CALML4: variants seen among roughly 807,000 people sequenced by gnomAD.
The protein encoded by CALML4 is calmodulin-like protein 4.
A neutral mutation model predicts 17.9 loss-of-function variants in CALML4; 16 were observed. That is an observed-to-expected ratio of 0.89 (90% confidence interval 0.61 to 1.36). CALML4 has a LOEUF of 1.36. CALML4 is among the 40% of genes most tolerant of loss of function. The probability of loss-of-function intolerance (pLI) is 0.00; values close to 1 mark genes in which losing one functional copy is unlikely to be tolerated. For missense variants in CALML4, 203 were observed against 194.8 expected, an observed-to-expected ratio of 1.04 and a Z score of -0.25; for synonymous variants, 86 against 71.5, an observed-to-expected ratio of 1.20 and a Z score of -1.02.
chr15:68,199,502 G>T, intron 3 of CALML4, 39 bp downstream of exon 3: 1 of 1,584,570 alleles, frequency 6.3e-7, no homozygotes, highest in Non-Finnish European at 8.6e-7. Flanking sequence ...CCACCTGCTG[G>T]GCCCCTCCCC....
intron 3 of CALML4, chr15:68,198,401 TGAG>T (rs1304641077): frequency 6.6e-6 from 1 of 152,244 alleles, no homozygotes; most frequent in African/African-American, 2.4e-5. Flanking sequence ...CCCCCTGAGA[TGAG>T]GAAGCTGGTG....
chr15:68,199,873 A>G (rs1567090824), intron 2 of CALML4, 192 bp from the exon 3 acceptor site: 3 of 512,056 alleles, frequency 5.9e-6, no homozygotes, highest in East Asian at 3.3e-5. Flanking sequence ...GAATTCAGAT[A>G]AACACTGAAT....
chr15:68,203,324 G>A (rs1595813438), intron 2 of CALML4, among the ~76,000 whole-genome samples: 4 of 152,182 alleles, frequency 2.6e-5, no homozygotes, highest in South Asian at 4.1e-4. Context: ...ATGAAGCTGC[G>A]CGCCAATGAG....
At chr15:68,195,773 T>A (rs1353078789) in intron 4 of CALML4, among the ~76,000 whole-genome samples, 1 of 152,170 alleles carries the variant, frequency 6.6e-6, no homozygotes, top group Admixed American at 6.5e-5. Flanking sequence ...GTGTCCCTGC[T>A]TGTCTGGAAC....
chr15:68,197,710 C>T lies in CALML4; in HGVS notation c.176-82G>A, dbSNP rs1286684331. Reference sequence around the variant, plus strand: ...CAGCTGGCCTCCTGCTGGACCTGCACAGCCGGTTCAAGGTCAACTGACCAG... The same window carrying T: ...CAGCTGGCCTCCTGCTGGACCTGCATAGCCGGTTCAAGGTCAACTGACCAG... On this transcript the variant is annotated intron_variant, in intron 3 of 4. Transcript: ENST00000467889. The surrounding 1 kb of genome is among the most constrained non-coding windows in gnomAD (Gnocchi z 4.1). 7 of 1,314,476 alleles carry T rather than the reference C, an allele frequency of 5.3e-6. No homozygotes were observed. In the African/African-American group the frequency reaches 8.8e-5, roughly 17 times the overall value. 81.4% of individuals were successfully genotyped at this position (1,314,476 alleles called of 1,614,324 possible).
Position 68,197,564 on chromosome 15 carries a change from T to G in CALML4, c.240A>C (p.Glu80Asp), listed in dbSNP as rs1424571198. 8 of 1,614,024 alleles carry G rather than the reference T, an allele frequency of 5.0e-6. No homozygotes were observed. The highest frequency in any genetic ancestry group is 4.5e-5 in the East Asian group (2 of 44,880). The change falls in exon 4 of 5, where the codon GAA becomes GAC. Residue 80 changes from glutamate (E) to aspartate (D), a missense_variant. Glu to Asp is a conservative substitution (Grantham distance 45). Coordinates refer to ENST00000467889, the MANE Select transcript of CALML4 (RefSeq NM_033429.3). This position sits in a 1 kb window ranked among gnomAD's most constrained non-coding sequence, Gnocchi z 4.1. Reference protein sequence around the residue: ...LTIMHMQIKQEDPKKEILLAM... With the variant: ...LTIMHMQIKQDDPKKEILLAM... ...CTAGAAGAATTTCTTTCTTTGGGTC[T>G]TCTTGTTTTATTTGCATGTGCATAA... is the stretch of plus-strand genomic sequence containing the variant.
rs775263066 is a variant in CALML4 at position 68,204,796 on chromosome 15, T to C, written c.34+325A>G. On this transcript the variant is annotated intron_variant, in intron 2 of 4. Coordinates refer to ENST00000467889, the MANE Select transcript of CALML4 (RefSeq NM_033429.3). This position sits in a 1 kb window ranked among gnomAD's most constrained non-coding sequence, Gnocchi z 6.0. ...CCTCCTCTTTCCCTGCTGCCAGCCATACCTTTAATGGTCTCTCTCTCCATC... is the reference window on the plus strand; with the variant it reads ...CCTCCTCTTTCCCTGCTGCCAGCCACACCTTTAATGGTCTCTCTCTCCATC... 3.2e-4 allele frequency among the ~76,000 whole-genome samples: 48 copies of C among 152,138 alleles called. No homozygotes were observed. The highest frequency in any genetic ancestry group is 6.0e-4 in the Non-Finnish European group (41 of 68,002).
chr15:68,199,647 C>T lies in CALML4; in HGVS notation c.69G>A (p.Gln23=). The T allele has an allele frequency of 6.2e-7, 1 of 1,613,548 alleles. No individual in the cohort carries two copies. The highest frequency in any genetic ancestry group is 8.5e-7 in the Non-Finnish European group (1 of 1,179,954). The stretch of plus-strand genomic sequence containing the variant: ...CGGTGGCTTTTATCTTCCCCCTCTG[C>T]TGCTTGTCATACAGGGAGAAGCATT... ...YKECFSLYDK[Q]QRGKIKATDL... is the part of the protein sequence containing the mutation. Residue 23 remains glutamine (Q), a synonymous_variant, in exon 3 of 5, where the codon CAG becomes CAA. Transcript: ENST00000467889.
At chr15:68,196,660 C>T (rs1372147681) in intron 4 of CALML4, among the ~76,000 whole-genome samples, 1 of 152,162 alleles carries the variant, frequency 6.6e-6, no homozygotes. Context: ...GCAGGAGGGT[C>T]CGCAGGCTGG....
chr15:68,205,259 G>C lies in CALML4; in HGVS notation c.-12C>G. The C allele has an allele frequency of 1.2e-6, 2 of 1,613,970 alleles. No homozygotes were observed. Among genetic ancestry groups the C allele is most frequent in the Non-Finnish European group, 1.7e-6 (2 of 1,179,994 alleles). ...CTCACACTCACCATTCTGGGGCCTCGGCTGCTACCCGTGGGCTTGCTGCTC... is the reference window on the plus strand; with the variant it reads ...CTCACACTCACCATTCTGGGGCCTCCGCTGCTACCCGTGGGCTTGCTGCTC... On this transcript the variant is annotated 5_prime_UTR_variant, in exon 1 of 5. Transcript: ENST00000467889. The surrounding 1 kb of genome is among the most constrained non-coding windows in gnomAD (Gnocchi z 4.8).
rs1280092602 is a variant in CALML4, at chr15:68,200,114, C to T, written c.35-433G>A. Among the ~76,000 whole-genome samples the T allele has an allele frequency of 1.1e-4, 16 of 152,282 alleles. No homozygotes were observed. Among genetic ancestry groups the T allele is most frequent in the Non-Finnish European group, 2.4e-4 (16 of 68,032 alleles). ...GGGCCCACAGGGGAGAGCAGGAACC[C>T]ACAGCAAGGCGTCCAGACCCCCAGG... On this transcript the variant is annotated intron_variant, in intron 2 of 4. Coordinates refer to ENST00000467889, the MANE Select transcript of CALML4 (RefSeq NM_033429.3). The surrounding 1 kb of genome is among the most constrained non-coding windows in gnomAD (Gnocchi z 4.3).
In CALML4 at chr15:68,194,068, C is replaced by T. The variant is rs2093132179; in HGVS notation, c.409G>A (p.Val137Met). ...READIEPNGK[V>M]KYDEFIHKIT... ...TTGTGGATAAATTCATCATACTTCACTTTGCCATTGGGTTCGATATCTGCT... is the reference window on the plus strand; with the variant it reads ...TTGTGGATAAATTCATCATACTTCATTTTGCCATTGGGTTCGATATCTGCT... The change falls in exon 5 of 5, where the codon GTG becomes ATG. Residue 137 changes from valine to methionine, a missense_variant. By Grantham distance (21) the Val-to-Met change is conservative. Transcript: ENST00000467889. 6.2e-7 allele frequency: 1 copy of T among 1,614,046 alleles called. No homozygotes were observed. Among genetic ancestry groups the T allele is most frequent in the Non-Finnish European group, 8.5e-7 (1 of 1,179,992 alleles).
rs545934713 is a variant in CALML4 at position 68,191,064 on chromosome 15, G to T, written c.*2951C>A. ...TTAAAGCACATTTGAAATTATTTTA[G>T]TAAGAATTTTGTTTTATCAATAGAT... On this transcript the variant is annotated 3_prime_UTR_variant, in exon 5 of 5. Transcript: ENST00000467889. The T allele has an allele frequency of 2.0e-4, 30 of 152,656 alleles. No homozygotes were observed. Among genetic ancestry groups the T allele is most frequent in the African/African-American group, 6.5e-4 (27 of 41,544 alleles). 9.5% of individuals were successfully genotyped at this position (152,656 alleles called of 1,614,324 possible).
rs56240648 is a variant in CALML4 at position 68,194,384 on chromosome 15, CTT to C, written c.365-274_365-273del. On this transcript the variant is annotated intron_variant, in intron 4 of 4. Transcript: ENST00000467889. ...ATTCGGTCACTGATGCCACCGTGTGCTTTTTTTTTTTTTTTTTTAAAACAGTT... is the reference window on the plus strand; with the variant it reads ...ATTCGGTCACTGATGCCACCGTGTGCTTTTTTTTTTTTTTTTAAAACAGTT... Among the ~76,000 whole-genome samples, 336 of 141,034 alleles carry C rather than the reference CTT, an allele frequency of 2.4e-3. 1 individual carries two copies. The highest frequency in any genetic ancestry group is 7.2e-3 in the Middle Eastern group (2 of 276). The allele number at this position is 141,034 out of a possible 152,430, so 92.5% of individuals were successfully genotyped here. A position where few individuals can be genotyped will look rare whatever the true frequency, so the allele number is the denominator to read the frequency against.
chr15:68,195,508 G>A (rs937190997), intron 4 of CALML4, among the ~76,000 whole-genome samples: 2 of 152,112 alleles, frequency 1.3e-5, no homozygotes, highest in African/African-American at 2.4e-5. Context: ...CCATCTGGGC[G>A]AGGGACAGCA....
At chr15:68,196,404 C>T (rs746742970) in intron 4 of CALML4, among the ~76,000 whole-genome samples, 4 of 152,196 alleles carry the variant, frequency 2.6e-5, no homozygotes, top group Admixed American at 6.5e-5. Context: ...TCTCCTGGCA[C>T]CCAGGATTCA....
At chr15:68,201,329 C>G (rs1195254852) in intron 2 of CALML4, among the ~76,000 whole-genome samples, 3 of 152,232 alleles carry the variant, frequency 2.0e-5, no homozygotes, top group South Asian at 4.1e-4. Flanking sequence ...GTTTAGTTCC[C>G]ATAAAACCCA....
At chr15:68,194,749 C>A (rs1051900291) in intron 4 of CALML4, among the ~76,000 whole-genome samples, 1 of 151,798 alleles carries the variant, frequency 6.6e-6, no homozygotes, top group Non-Finnish European at 1.5e-5. Context: ...TTCTAGAATC[C>A]TTTGGCCTGG....
rs2093119947 is a variant in CALML4, at chr15:68,191,494, T to C, written c.*2521A>G. 6.5e-6 allele frequency: 1 copy of C among 152,674 alleles called. No individual in the cohort carries two copies. The highest frequency in any genetic ancestry group is 2.1e-4 in the South Asian group (1 of 4,834). 9.5% of individuals were successfully genotyped at this position (152,674 alleles called of 1,614,324 possible). ...TCTTCTGTAAAATAACACTGCTGGA[T>C]GTTCAAGGGGACAATCCCTATGAGA... On this transcript the variant is annotated 3_prime_UTR_variant, in exon 5 of 5. Coordinates refer to ENST00000467889, the MANE Select transcript of CALML4 (RefSeq NM_033429.3).
Sources: gnomAD v4.1 joint callset for allele counts (sites outside exome capture counted in the v4.1 genomes callset) on GRCh38, gnomAD v4.1.1 for gene constraint, Gnocchi (gnomAD v3.1) non-coding constraint, MANE v1.5 for transcripts, NCBI Gene and HGNC (gene_info 2026-07-23, HGNC 2026-07-21) for gene names.